Variants in LSAMP observed in about 807,000 individuals in gnomAD.
LSAMP encodes the protein limbic system associated membrane protein.
A neutral mutation model predicts 38.6 loss-of-function variants in LSAMP; 7 were observed. That is an observed-to-expected ratio of 0.18 (90% CI 0.10 to 0.34). LSAMP has a LOEUF of 0.34. Ranked by LOEUF, LSAMP falls within the 10% of genes least tolerant of loss-of-function variation. The pLI is 1.00. For synonymous variants in LSAMP, 154 were observed against 166.8 expected (o/e 0.92, Z 0.59); for missense variants, 313 against 420.0 (o/e 0.75, Z 2.23).
At chr3:115,863,157 T>C (rs1225795621) in intron 3 of LSAMP, among the ~76,000 whole-genome samples, 1 of 152,208 alleles carries the variant, frequency 6.6e-6, no homozygotes, top group African/African-American at 2.4e-5. Flanking sequence ...AGTCACTTCA[T>C]TTAAAAAGCG....
chr3:116,271,085 T>G (rs1281743751), intron 1 of LSAMP, among the ~76,000 whole-genome samples: 1 of 152,116 alleles, frequency 6.6e-6, no homozygotes, highest in Non-Finnish European at 1.5e-5. Context: ...ATAATGATGT[T>G]GCCATGGTTC....
At chr3:115,821,339 A>G (rs2107466032) in intron 6 of LSAMP, among the ~76,000 whole-genome samples, 1 of 152,334 alleles carries the variant, frequency 6.6e-6, no homozygotes, top group East Asian at 1.9e-4. Flanking sequence ...CAACACATTC[A>G]TAAGGAAAAG....
intron 3 of LSAMP, among the ~76,000 whole-genome samples, chr3:115,859,228 G>A (rs1935599850): frequency 6.6e-6 from 1 of 152,150 alleles, no homozygotes; most frequent in Non-Finnish European, 1.5e-5. Context: ...GAAGGGAGGG[G>A]TGAAGAGTGG....
At chr3:116,198,596 C>T (rs1204946451) in intron 1 of LSAMP, among the ~76,000 whole-genome samples, 2 of 151,508 alleles carry the variant, frequency 1.3e-5, no homozygotes, top group African/African-American at 4.9e-5. Flanking sequence ...AGTGAAACCC[C>T]GTCTCTACTA....
At chr3:115,817,382 T>C (rs2107458497) in intron 6 of LSAMP, among the ~76,000 whole-genome samples, 1 of 152,350 alleles carries the variant, frequency 6.6e-6, no homozygotes, top group East Asian at 1.9e-4. Flanking sequence ...AGCAACAGTG[T>C]GTGCCTTCTC....
chr3:116,215,223 T>G (rs999241391), intron 1 of LSAMP, among the ~76,000 whole-genome samples: 8 of 152,190 alleles, frequency 5.3e-5, no homozygotes, highest in Non-Finnish European at 1.2e-4. Flanking sequence ...TGGTCAACTG[T>G]GAGATGCTCT....
chr3:116,389,519 C>G (rs895882648), intron 1 of LSAMP, among the ~76,000 whole-genome samples: 1 of 152,170 alleles, frequency 6.6e-6, no homozygotes, highest in Non-Finnish European at 1.5e-5. Context: ...CTAATAATAA[C>G]AAAACATTCT....
intron 1 of LSAMP, among the ~76,000 whole-genome samples, chr3:116,184,641 A>G (rs530860959): frequency 1.3e-5 from 2 of 152,088 alleles, no homozygotes; most frequent in South Asian, 4.1e-4. Context: ...CTGCAGGCAC[A>G]CTTGAGCTTC....
intron 1 of LSAMP, among the ~76,000 whole-genome samples, chr3:116,180,155 G>C (rs1048522387): frequency 4.6e-5 from 7 of 152,062 alleles, no homozygotes; most frequent in Admixed American, 4.6e-4. Flanking sequence ...TATATGTCAG[G>C]TGCTATGCTT....
In LSAMP at chr3:115,807,949, A is replaced by G. The variant is rs1933667506; in HGVS notation, c.*2368T>C. The G allele has an allele frequency of 6.6e-6, 1 of 152,128 alleles. No homozygotes were observed. The highest frequency in any genetic ancestry group is 2.1e-4 in the South Asian group (1 of 4,826). The allele number at this position is 152,128 out of a possible 1,614,324, so 9.4% of individuals were successfully genotyped here. ...ATCCCCAAGCTGAATTTTTCCTTGT[A>G]TCAAGTCTAAACTGCAAAATCATGA... On this transcript the variant is annotated 3_prime_UTR_variant, in exon 7 of 7. Transcript: ENST00000490035.
At chr3:115,840,102 G>A (rs1255149633) in intron 6 of LSAMP, among the ~76,000 whole-genome samples, 2 of 152,004 alleles carry the variant, frequency 1.3e-5, no homozygotes, top group African/African-American at 2.4e-5. Context: ...GGCTATAGAT[G>A]ATATTTTATT....
chr3:116,130,057 C>T lies in LSAMP; in HGVS notation c.156-43501G>A, dbSNP rs561466059. Among the ~76,000 whole-genome samples the T allele has an allele frequency of 1.7e-3, 266 of 152,302 alleles. 1 individual carries two copies. The highest frequency in any genetic ancestry group is 5.6e-3 in the African/African-American group (231 of 41,554). Reference sequence around the variant, plus strand: ...AAGCTTTTCCAAGCATATCTAGGAACACTCTCAGTAGTTTCAAGGACAGTA... The same window carrying T: ...AAGCTTTTCCAAGCATATCTAGGAATACTCTCAGTAGTTTCAAGGACAGTA... On this transcript the variant is annotated intron_variant, in intron 1 of 6. Coordinates refer to ENST00000490035, the MANE Select transcript of LSAMP (RefSeq NM_002338.5).
intron 1 of LSAMP, among the ~76,000 whole-genome samples, chr3:116,227,228 A>G (rs1435657216): frequency 1.3e-5 from 2 of 152,116 alleles, no homozygotes; most frequent in African/African-American, 4.8e-5. Context: ...ACTGTACTAC[A>G]CTCAAGTAGA....
chr3:115,929,815 C>T (rs1025959943), intron 3 of LSAMP, among the ~76,000 whole-genome samples: 2 of 151,864 alleles, frequency 1.3e-5, no homozygotes, highest in African/African-American at 4.8e-5. Context: ...TGAGACATTC[C>T]CTTCTACCAT....
chr3:116,142,009 C>T (rs1469874227), intron 1 of LSAMP, among the ~76,000 whole-genome samples: 2 of 152,008 alleles, frequency 1.3e-5, no homozygotes, highest in African/African-American at 4.8e-5. Context: ...TGCACTATAA[C>T]ATCCAAACTA....
At chr3:116,164,703 T>TCCAAATATATATATATAA (rs1709997423) in intron 1 of LSAMP, among the ~76,000 whole-genome samples, 8 of 91,006 alleles carry the variant, frequency 8.8e-5, no homozygotes, top group East Asian at 2.7e-4. Context: ...TATATATATA[T>TCCAAATATATATATATAA]AATCCAAATA....
At chr3:116,110,778 G>A (rs1352216154) in intron 1 of LSAMP, among the ~76,000 whole-genome samples, 2 of 152,190 alleles carry the variant, frequency 1.3e-5, no homozygotes, top group Non-Finnish European at 2.9e-5. Context: ...GAGGTCCCCC[G>A]ATCCGAGTCA....
intron 2 of LSAMP, among the ~76,000 whole-genome samples, chr3:116,036,081 A>G (rs1269527463): frequency 1.3e-5 from 2 of 152,358 alleles, no homozygotes; most frequent in East Asian, 3.9e-4. Context: ...AGCAAGAAAT[A>G]AGTCATGAGA....
intron 1 of LSAMP, among the ~76,000 whole-genome samples, chr3:116,239,318 T>C (rs1401361910): frequency 6.6e-6 from 1 of 152,090 alleles, no homozygotes; most frequent in Non-Finnish European, 1.5e-5. Flanking sequence ...TATAGAAAAC[T>C]AAAGTGGCTT....
Sources: gnomAD v4.1 joint callset for allele counts (sites outside exome capture counted in the v4.1 genomes callset) on GRCh38, gnomAD v4.1.1 for gene constraint, MANE v1.5 for transcripts, NCBI Gene and HGNC (gene_info 2026-07-23, HGNC 2026-07-21) for gene names.